The following ICAM2 variants were observed in gnomAD, a reference collection of about 807,000 sequenced individuals.
ICAM2 encodes intercellular adhesion molecule 2.
In ICAM2, 14 loss-of-function variants were observed where a neutral mutation model predicts 19.1. That is an observed-to-expected ratio of 0.73 (90% CI 0.48 to 1.15). ICAM2 has a LOEUF of 1.15. Among genes scored for constraint, ICAM2 ranks in the 50% most tolerant of loss-of-function variants. The pLI is 0.00. For missense variants in ICAM2, 311 were observed against 355.4 expected (o/e 0.88, Z 1.00); for synonymous variants, 153 against 152.7 (o/e 1.00, Z -0.01).
chr17:64,014,388 G>A (rs181914307), intron 1 of ICAM2, among the ~76,000 whole-genome samples: 5,260 of 36,464 alleles, frequency 0.14, 115 homozygotes, highest in Non-Finnish European at 0.22. Flanking sequence ...AGGAAGGAAG[G>A]AAGGAAGGAA....
chr17:64,018,910 TG>T (rs1403818502), intron 1 of ICAM2, among the ~76,000 whole-genome samples: 3 of 151,682 alleles, frequency 2.0e-5, no homozygotes, highest in Non-Finnish European at 4.4e-5. Flanking sequence ...TTAGTAGAGA[TG>T]GGGTTTCATC....
intron 2 of ICAM2, 37 bp from the exon 3 acceptor site, chr17:64,005,410 C>T: frequency 6.3e-7 from 1 of 1,597,372 alleles, no homozygotes; most frequent in Non-Finnish European, 8.5e-7. Flanking sequence ...CGTGTCATCC[C>T]CCCACCCCCT....
In ICAM2 at chr17:64,006,426, C is replaced by T. The variant is rs554210988; in HGVS notation, c.61+205G>A. 9.0e-6 allele frequency: 5 copies of T among 554,936 alleles called. No homozygotes were observed. In the African/African-American group the frequency reaches 9.6e-5, roughly 11 times the overall value. The allele number at this position is 554,936 out of a possible 1,614,324, so 34.4% of individuals were successfully genotyped here. ...GCTGAGGTGGGAGGATCACCCGAGC[C>T]CAGGGAGGTGCAGTGAGCCATGATC... On this transcript the variant is annotated intron_variant, in intron 2 of 4. Transcript: ENST00000579788.
chr17:64,008,167 C>A (rs2143206946), intron 1 of ICAM2, among the ~76,000 whole-genome samples: 1 of 152,298 alleles, frequency 6.6e-6, no homozygotes, highest in Non-Finnish European at 1.5e-5. Context: ...AGGGAAGTCC[C>A]TGGACGGGGT....
rs116714619 is a variant in ICAM2, at chr17:64,009,728, G to A, written c.-44-2993C>T. Reference sequence around the variant, plus strand: ...TCGACCTGCTTCCTCATAGTTGCTCGGTGCCTATTGCCCCAGAATTATGCA... The same window carrying A: ...TCGACCTGCTTCCTCATAGTTGCTCAGTGCCTATTGCCCCAGAATTATGCA... On this transcript the variant is annotated intron_variant, in intron 1 of 4. Coordinates refer to ENST00000579788, the MANE Select transcript of ICAM2 (RefSeq NM_001099789.2). Among the ~76,000 whole-genome samples, 794 of 152,226 alleles carry A rather than the reference G, an allele frequency of 5.2e-3. 7 individuals carry two copies. Among genetic ancestry groups the A allele is most frequent in the African/African-American group, 0.018 (743 of 41,518 alleles).
rs749407513 is a variant in ICAM2 at position 64,003,822 on chromosome 17, G to A, written c.471C>T (p.His157=). The A allele has an allele frequency of 3.7e-6, 6 of 1,614,130 alleles. No individual in the cohort carries two copies. Among genetic ancestry groups the A allele is most frequent in the Non-Finnish European group, 5.1e-6 (6 of 1,180,058 alleles). Residue 157 remains histidine (H), a synonymous_variant, in exon 4 of 5, where the codon CAC becomes CAT. Coordinates refer to ENST00000579788, the MANE Select transcript of ICAM2 (RefSeq NM_001099789.2). ...LFLFRGNETL[H]YETFGKAAPA... ...GGGCTGCCTTCCCGAAGGTCTCATA[G>A]TGCAGAGTCTCATTGCCACGGAACA... is the stretch of plus-strand genomic sequence containing the variant.
Position 64,005,300 on chromosome 17 carries a change from C to A in ICAM2, c.135G>T (p.Glu45Asp). Residue 45 changes from glutamate to aspartate, a missense_variant, in exon 3 of 5, where the codon GAG (glutamate) becomes GAT (aspartate). Coordinates refer to ENST00000579788, the MANE Select transcript of ICAM2 (RefSeq NM_001099789.2). The part of the protein sequence containing the change: ...KLAVEPKGSL[E>D]VNCSTTCNQP... ...GGTTACAGGTGGTGCTGCAGTTGAC[C>A]TCGAGGGACCCTTTGGGCTCAACCG... is the stretch of plus-strand genomic sequence containing the variant. 1.2e-6 allele frequency: 2 copies of A among 1,614,136 alleles called. No individual in the cohort carries two copies. Among genetic ancestry groups the A allele is most frequent in the Non-Finnish European group, 1.7e-6 (2 of 1,180,014 alleles).
chr17:64,004,865 T>G, intron 3 of ICAM2: 1 of 586,732 alleles, frequency 1.7e-6, no homozygotes, highest in Non-Finnish European at 3.1e-6. Context: ...TAAATGTTGG[T>G]TAGATTGTCC....
Position 64,003,798 on chromosome 17 carries a change from G to T in ICAM2, c.495C>A (p.Ala165=), listed in dbSNP as rs767871309. The T allele has an allele frequency of 3.1e-6, 5 of 1,614,250 alleles. No individual in the cohort carries two copies. In the Admixed American group the frequency reaches 8.3e-5, roughly 27 times the overall value. Residue 165 remains alanine (A), a synonymous_variant, in exon 4 of 5, where the codon GCC becomes GCA. Coordinates refer to ENST00000579788, the MANE Select transcript of ICAM2 (RefSeq NM_001099789.2). ...TLHYETFGKA[A]PAPQEATATF... is the part of the protein sequence containing the mutation. Reference sequence around the variant, plus strand: ...TGGCTGTGGCCTCCTGCGGAGCAGGGGCTGCCTTCCCGAAGGTCTCATAGT... The same window carrying T: ...TGGCTGTGGCCTCCTGCGGAGCAGGTGCTGCCTTCCCGAAGGTCTCATAGT...
Position 64,006,728 on chromosome 17 carries a change from A to T in ICAM2, c.-37T>A. 6.2e-7 allele frequency: 1 copy of T among 1,606,022 alleles called. No individual in the cohort carries two copies. Among genetic ancestry groups the T allele is most frequent in the Middle Eastern group, 1.7e-4 (1 of 6,046 alleles). On this transcript the variant is annotated 5_prime_UTR_variant, in exon 2 of 5. It adds an upstream start codon to the 5' untranslated region. Coordinates refer to ENST00000579788, the MANE Select transcript of ICAM2 (RefSeq NM_001099789.2). ...TCCACGGGCTCGCAGGGACCAGCCA[A>T]GGGCTGCCTGGAGGGAGATGGTGGG...
chr17:64,004,758 C>T, intron 3 of ICAM2: 1 of 382,750 alleles, frequency 2.6e-6, no homozygotes, highest in South Asian at 2.7e-5. Flanking sequence ...ATGAGATGGA[C>T]AGGCTCAGCT....
In ICAM2 at chr17:64,002,755, G is replaced by A. The variant is rs371349852; in HGVS notation, c.820C>T (p.Arg274Trp). ...AAWRRLPQAF[R>W]P ...CATGCCACTCATGGTTGCTATGGCC[G>A]GAAGGCCTGGGGCAGCCTCCTCCAA... Residue 274 changes from arginine to tryptophan, a missense_variant, in exon 5 of 5, where the codon CGG becomes TGG. Physicochemically the swap from Arg to Trp is moderately radical, Grantham distance 101. Transcript: ENST00000579788. The A allele has an allele frequency of 2.4e-5, 39 of 1,611,346 alleles. No individual in the cohort carries two copies. The highest frequency in any genetic ancestry group is 5.3e-5 in the African/African-American group (4 of 75,024).
At position 64,003,912 on chromosome 17, in the gene ICAM2, GC is replaced by G. The variant is rs1911013123; in HGVS notation, c.380del (p.Gly127AlafsTer70). On this transcript the variant is annotated frameshift_variant, in exon 4 of 5. Coordinates refer to ENST00000579788, the MANE Select transcript of ICAM2 (RefSeq NM_001099789.2). LOFTEE classifies it high-confidence loss of function. ...LTLQPTLVAV[G>X]KSFTIECRVP... ...CCCTGCACTCAATGGTGAAGGACTT[GC>G]CCACAGCCACCAAAGTGGGTTGCAG... 1.2e-6 allele frequency: 2 copies of G among 1,614,094 alleles called. No individual in the cohort carries two copies. The highest frequency in any genetic ancestry group is 2.7e-5 in the African/African-American group (2 of 75,064).
rs1197096790 is a variant in ICAM2, at chr17:64,003,978, AGGAG to A, written c.329-18_329-15del. 6.3e-7 allele frequency: 1 copy of A among 1,593,204 alleles called. No homozygotes were observed. The highest frequency in any genetic ancestry group is 8.6e-7 in the Non-Finnish European group (1 of 1,169,362). On this transcript the variant is annotated splice_polypyrimidine_tract_variant and intron_variant, in intron 3 of 4. Coordinates refer to ENST00000579788, the MANE Select transcript of ICAM2 (RefSeq NM_001099789.2). ...GCCTTGGAGGCTCTGCAGGGGACAA[AGGAG>A]GGAGGTCTGGTCAGGATGGGGGTGC...
chr17:64,003,177 G>T (rs960206605), intron 4 of ICAM2: 5 of 516,026 alleles, frequency 9.7e-6, no homozygotes, highest in Non-Finnish European at 1.7e-5. Flanking sequence ...ATGTCCCCTT[G>T]TCAGCAGCCA....
chr17:64,008,700 G>A (rs1911320657), intron 1 of ICAM2, among the ~76,000 whole-genome samples: 1 of 152,212 alleles, frequency 6.6e-6, no homozygotes, highest in African/African-American at 2.4e-5. Context: ...TTAGGAGCCT[G>A]GTTCCCAGGA....
At chr17:64,017,405 C>T (rs1464946298) in intron 1 of ICAM2, among the ~76,000 whole-genome samples, 1 of 151,890 alleles carries the variant, frequency 6.6e-6, no homozygotes, top group African/African-American at 2.4e-5. Context: ...AACTATAAGA[C>T]CTATAGTAAG....
rs1475610025 is a variant in ICAM2 at position 64,014,419 on chromosome 17, GAA to G, written c.-45+6102_-45+6103del. On this transcript the variant is annotated intron_variant, in intron 1 of 4. Coordinates refer to ENST00000579788, the MANE Select transcript of ICAM2 (RefSeq NM_001099789.2). ...AGGAAGGAAGGAAGAGAAAGAGAAA[GAA>G]AGGAAGGAAGGAAGGAAGAGAGAGA... Among the ~76,000 whole-genome samples, 41 of 110,910 alleles carry G rather than the reference GAA, an allele frequency of 3.7e-4. 1 individual carries two copies. The East Asian group carries it at 0.01, about 28-fold the overall frequency. 72.8% of individuals were successfully genotyped at this position (110,910 alleles called of 152,430 possible). A position where few individuals can be genotyped will look rare whatever the true frequency, so the allele number is the denominator to read the frequency against.
At chr17:64,020,181 C>T (rs1008055993) in intron 1 of ICAM2, among the ~76,000 whole-genome samples, 6 of 151,874 alleles carry the variant, frequency 4.0e-5, no homozygotes, top group Admixed American at 3.9e-4. Flanking sequence ...TCAGATGGTC[C>T]AGATCACAGC....
Sources: allele counts gnomAD v4.1 joint callset (sites outside exome capture counted in the v4.1 genomes callset), GRCh38; gene constraint gnomAD v4.1.1; transcripts MANE v1.5; gene names NCBI Gene and HGNC (gene_info 2026-07-23, HGNC 2026-07-21).